Variants in NCBP1 observed in about 807,000 individuals in gnomAD.
The protein encoded by NCBP1 is nuclear cap binding protein subunit 1.
In NCBP1, 16 loss-of-function variants were observed where a neutral mutation model predicts 111.7. The ratio of observed to expected loss-of-function variants is 0.14; its 90% CI spans 0.10 to 0.22. The LOEUF (loss-of-function observed/expected upper bound fraction) is 0.22, where lower values mean the gene tolerates loss of function less well. Among genes scored for constraint, NCBP1 ranks in the 10% least tolerant of loss-of-function variants. The pLI is 1.00. For missense variants in NCBP1, 607 were observed against 957.5 expected, an observed-to-expected ratio of 0.63 and a Z score of 4.83; for synonymous variants, 304 against 314.3, an observed-to-expected ratio of 0.97 and a Z score of 0.35.
intron 1 of NCBP1, chr9:97,634,647 A>G (rs1343769758): frequency 1.3e-5 from 2 of 152,254 alleles, no homozygotes; most frequent in African/African-American, 2.4e-5. Context: ...TTTAACAACA[A>G]CAAAAAAAAG....
At chr9:97,659,417 C>T (rs756877453) in intron 15 of NCBP1, among the ~76,000 whole-genome samples, 20 of 152,168 alleles carry the variant, frequency 1.3e-4, no homozygotes, top group Non-Finnish European at 1.2e-4. Flanking sequence ...GCTTTTCATA[C>T]TGTGTGCCTG....
chr9:97,661,212 T>G (rs1188534454), intron 16 of NCBP1, 144 bp downstream of exon 16: 5 of 863,870 alleles, frequency 5.8e-6, no homozygotes, highest in Non-Finnish European at 8.4e-6. Flanking sequence ...GCACCCCAGG[T>G]ATTTTCCCCT....
intron 6 of NCBP1, among the ~76,000 whole-genome samples, chr9:97,646,004 A>G (rs1031198978): frequency 3.3e-5 from 5 of 152,198 alleles, no homozygotes; most frequent in African/African-American, 9.7e-5. Flanking sequence ...CCCTAGTGCA[A>G]TAGTTCCTCA....
intron 22 of NCBP1, among the ~76,000 whole-genome samples, chr9:97,670,688 TCTGA>T (rs984421673): frequency 6.6e-6 from 1 of 152,246 alleles, no homozygotes; most frequent in Non-Finnish European, 1.5e-5. Context: ...TATTTCGTTT[TCTGA>T]CTGTTTATCT....
intron 1 of NCBP1, among the ~76,000 whole-genome samples, chr9:97,635,116 G>C (rs561168069): frequency 6.6e-6 from 1 of 152,314 alleles, no homozygotes; most frequent in African/African-American, 2.4e-5. Flanking sequence ...GGCAGTTGAG[G>C]TGGAGGCAGA....
Position 97,640,715 on chromosome 9 carries a change from T to G in NCBP1, c.35-79T>G. 3 of 1,120,962 alleles carry G rather than the reference T, an allele frequency of 2.7e-6. No individual in the cohort carries two copies. The South Asian group carries it at 4.4e-5, about 16-fold the overall frequency. 69.4% of individuals were successfully genotyped at this position (1,120,962 alleles called of 1,614,324 possible). ...AACATAGGGCCTGGTAGAAAAGAGATTATAACCTAAAAAGGTTAAATAAAA... is the reference window on the plus strand; with the variant it reads ...AACATAGGGCCTGGTAGAAAAGAGAGTATAACCTAAAAAGGTTAAATAAAA... On this transcript the variant is annotated intron_variant, in intron 1 of 22. Coordinates refer to ENST00000375147, the MANE Select transcript of NCBP1 (RefSeq NM_002486.5).
intron 15 of NCBP1, among the ~76,000 whole-genome samples, chr9:97,659,027 G>A (rs1313167498): frequency 6.6e-6 from 1 of 152,204 alleles, no homozygotes; most frequent in Non-Finnish European, 1.5e-5. Context: ...AACTGAAAAC[G>A]TGTATTTGTC....
intron 10 of NCBP1, among the ~76,000 whole-genome samples, chr9:97,652,269 TG>T (rs1051256162): frequency 1.3e-5 from 2 of 152,220 alleles, no homozygotes; most frequent in African/African-American, 4.8e-5. Flanking sequence ...CCCAAGGTGC[TG>T]GGATTACAGG....
chr9:97,662,197 C>T, intron 17 of NCBP1, 53 bp downstream of exon 17: 1 of 1,294,478 alleles, frequency 7.7e-7, no homozygotes, highest in Non-Finnish European at 1.1e-6. Flanking sequence ...GCTTGGTGAA[C>T]ACCAGTGGTA....
rs1828209714 is a variant in NCBP1, at chr9:97,672,099, A to G, written c.*900A>G. On this transcript the variant is annotated 3_prime_UTR_variant, in exon 23 of 23. Coordinates refer to ENST00000375147, the MANE Select transcript of NCBP1 (RefSeq NM_002486.5). ...GTTTATATGGAACCTGATCCAAAAA[A>G]CTACGAAGTCCTGAGCTTGTTTCCT... The G allele has an allele frequency of 6.6e-6, 1 of 152,224 alleles. No homozygotes were observed. The highest frequency in any genetic ancestry group is 2.1e-4 in the South Asian group (1 of 4,834). 9.4% of individuals were successfully genotyped at this position (152,224 alleles called of 1,614,324 possible). A position where few individuals can be genotyped will look rare whatever the true frequency, so the allele number is the denominator to read the frequency against.
At chr9:97,651,238 C>T (rs1827489935) in intron 9 of NCBP1, 72 bp from the exon 10 acceptor site, 2 of 1,294,076 alleles carry the variant, frequency 1.5e-6, no homozygotes, top group African/African-American at 1.5e-5. Context: ...AAACACATTG[C>T]TTTTGAAACT....
chr9:97,646,248 T>TGG (rs1827331842), intron 6 of NCBP1, among the ~76,000 whole-genome samples: 23 of 152,202 alleles, frequency 1.5e-4, no homozygotes, highest in Admixed American at 1.5e-3. Flanking sequence ...CAGTACTTCT[T>TGG]AAGTAATATG....
intron 17 of NCBP1, among the ~76,000 whole-genome samples, chr9:97,662,598 G>A (rs183167095): frequency 1.3e-5 from 2 of 152,278 alleles, no homozygotes; most frequent in East Asian, 1.9e-4. Context: ...CAGAGAAACT[G>A]GACATCTCAC....
At chr9:97,636,637 C>T (rs868176989) in intron 1 of NCBP1, among the ~76,000 whole-genome samples, 36 of 111,230 alleles carry the variant, frequency 3.2e-4, no homozygotes, top group South Asian at 6.6e-4. Context: ...GAAAGTAATA[C>T]ATATATATAT....
intron 9 of NCBP1, 107 bp downstream of exon 9, chr9:97,650,707 A>AC (rs1231871566): frequency 1.2e-6 from 1 of 830,470 alleles, no homozygotes; most frequent in East Asian, 2.5e-5. Context: ...TATCCTCCTG[A>AC]CTCCCTGTCT....
chr9:97,641,741 C>A, intron 3 of NCBP1, 79 bp downstream of exon 3: 1 of 1,344,508 alleles, frequency 7.4e-7, no homozygotes, highest in Non-Finnish European at 9.9e-7. Flanking sequence ...GTTCAAAATA[C>A]ATGTTTATGT....
intron 20 of NCBP1, among the ~76,000 whole-genome samples, chr9:97,667,733 C>T (rs1414567920): frequency 6.6e-6 from 1 of 152,210 alleles, no homozygotes; most frequent in Non-Finnish European, 1.5e-5. Context: ...ACTAGCTGCA[C>T]GTGACTATTT....
chr9:97,658,757 C>A lies in NCBP1; in HGVS notation c.1477+14C>A. ...ATGAAAGTAGCAGTAAGTAATGAAA[C>A]TAATCCCTCTGTCTTTAAAAGGTAC... On this transcript the variant is annotated intron_variant, in intron 15 of 22. Coordinates refer to ENST00000375147, the MANE Select transcript of NCBP1 (RefSeq NM_002486.5). The A allele has an allele frequency of 6.5e-7, 1 of 1,537,920 alleles. No individual in the cohort carries two copies. The highest frequency in any genetic ancestry group is 9.0e-7 in the Non-Finnish European group (1 of 1,111,322).
Position 97,671,289 on chromosome 9 carries a change from A to T in NCBP1, c.*90A>T. 1.1e-6 allele frequency: 1 copy of T among 933,598 alleles called. No homozygotes were observed. Among genetic ancestry groups the T allele is most frequent in the Non-Finnish European group, 1.6e-6 (1 of 609,638 alleles). The allele number at this position is 933,598 out of a possible 1,614,324, so 57.8% of individuals were successfully genotyped here. On this transcript the variant is annotated 3_prime_UTR_variant, in exon 23 of 23. Coordinates refer to ENST00000375147, the MANE Select transcript of NCBP1 (RefSeq NM_002486.5). ...ATGGTTTGAATGCTTGCTTTCTTGT[A>T]GTATCCTTTCACTTCTTAAAGGAAA...
Sources: gnomAD v4.1 joint callset for allele counts (sites outside exome capture counted in the v4.1 genomes callset) on GRCh38, gnomAD v4.1.1 for gene constraint, MANE v1.5 for transcripts, NCBI Gene and HGNC (gene_info 2026-07-23, HGNC 2026-07-21) for gene names.